The following BRDT variants were observed in gnomAD, a reference collection of about 807,000 sequenced individuals.
BRDT encodes bromodomain testis associated.
BRDT carries 77 observed loss-of-function variants against 113.9 expected under a neutral mutation model. The observed-to-expected ratio is 0.68, with a 90% CI of 0.56 to 0.82. The LOEUF (loss-of-function observed/expected upper bound fraction) is 0.82, where lower values mean the gene tolerates loss of function less well. BRDT is among the 40% of genes least tolerant of loss of function. BRDT has a pLI of 0.00. For missense variants in BRDT, 1,027 were observed against 1,105.4 expected, an observed-to-expected ratio of 0.93 and a Z score of 1.01; for synonymous variants, 358 against 366.5, an observed-to-expected ratio of 0.98 and a Z score of 0.26.
chr1:91,977,957 A>G (rs1684315177), intron 6 of BRDT, among the ~76,000 whole-genome samples: 1 of 152,146 alleles, frequency 6.6e-6, no homozygotes, highest in Non-Finnish European at 1.5e-5. Context: ...CTCCTTCCTC[A>G]TCTCTACTTG....
rs557631287 is a variant in BRDT, at chr1:91,969,231, C to T, written c.445+971C>T. On this transcript the variant is annotated intron_variant, in intron 4 of 18. Transcript: ENST00000399546. ...CTGGGATTACAGGCGTGAGCCACCG[C>T]GCCTGGCCCTAAAAATATTTATCTT... 2.2e-4 allele frequency among the ~76,000 whole-genome samples: 34 copies of T among 152,110 alleles called. No individual in the cohort carries two copies. The East Asian group carries it at 2.3e-3, about 10-fold the overall frequency.
chr1:91,979,034 A>C (rs1204115765), intron 7 of BRDT, among the ~76,000 whole-genome samples: 1 of 150,360 alleles, frequency 6.7e-6, no homozygotes. Context: ...AACAAAAAAA[A>C]CCCTATATTA....
chr1:91,994,255 G>A lies in BRDT; in HGVS notation c.2287+1G>A. On this transcript the variant is annotated splice_donor_variant, in intron 15 of 18. Transcript: ENST00000399546. LOFTEE classifies it high-confidence loss of function. ...CCTTTACAAATTCTGCCTCCCTCAG[G>A]TAAGAAATTAACAAGTAAACAACTG... The A allele has an allele frequency of 6.3e-7, 1 of 1,597,728 alleles. No individual in the cohort carries two copies.
chr1:91,959,680 A>C (rs976938521), intron 1 of BRDT, among the ~76,000 whole-genome samples: 4 of 151,898 alleles, frequency 2.6e-5, no homozygotes, highest in Admixed American at 2.0e-4. Flanking sequence ...GGGGGGTTTC[A>C]TCTTGTTGTC....
intron 3 of BRDT, among the ~76,000 whole-genome samples, chr1:91,967,883 A>G (rs1422898384): frequency 6.6e-6 from 1 of 152,170 alleles, no homozygotes. Context: ...CTTGGATTGT[A>G]ATTCTTTAGT....
intron 12 of BRDT, among the ~76,000 whole-genome samples, chr1:91,983,077 T>C (rs1037274481): frequency 2.6e-5 from 4 of 152,118 alleles, no homozygotes; most frequent in South Asian, 2.1e-4. Context: ...AAAAGTACAA[T>C]ATAATACAGA....
At chr1:91,992,347 G>A (rs1339571318) in intron 14 of BRDT, 33 bp downstream of exon 14, 2 of 1,391,290 alleles carry the variant, frequency 1.4e-6, no homozygotes, top group East Asian at 3.0e-5. Context: ...AAGAACAGGG[G>A]AAGAAATGGT....
At chr1:91,950,441 C>A (rs778059784) in intron 1 of BRDT, 2 of 152,960 alleles carry the variant, frequency 1.3e-5, no homozygotes, top group Non-Finnish European at 2.9e-5. Flanking sequence ...CAGAGTGAGA[C>A]TCCGTCTCCC....
chr1:91,960,340 C>T (rs909659110), intron 1 of BRDT, among the ~76,000 whole-genome samples: 1 of 152,056 alleles, frequency 6.6e-6, no homozygotes, highest in Non-Finnish European at 1.5e-5. Context: ...GATAGACATA[C>T]GATGGAATAT....
At chr1:91,984,100 G>T (rs1005140177) in intron 12 of BRDT, among the ~76,000 whole-genome samples, 2 of 152,152 alleles carry the variant, frequency 1.3e-5, no homozygotes, top group African/African-American at 4.8e-5. Context: ...AACAAACTGT[G>T]CTTTACTGGA....
chr1:92,006,844 G>A (rs1238694813), intron 18 of BRDT, among the ~76,000 whole-genome samples: 1 of 151,786 alleles, frequency 6.6e-6, no homozygotes, highest in African/African-American at 2.4e-5. Flanking sequence ...CTGGAGTGCA[G>A]TAGTGCAATC....
chr1:91,992,312 C>A lies in BRDT; in HGVS notation c.2113C>A (p.Gln705Lys), dbSNP rs1042624934. The A allele has an allele frequency of 6.7e-7, 1 of 1,495,052 alleles. No individual in the cohort carries two copies. Among genetic ancestry groups the A allele is most frequent in the Non-Finnish European group, 9.0e-7 (1 of 1,116,616 alleles). The allele number at this position is 1,495,052 out of a possible 1,614,324, so 92.6% of individuals were successfully genotyped here. ...GCCTGAAGGAAGAACAGGCGTCACA[C>A]AGGTAATGCTTAAAATGTGTTTTAA... ...IPPEGRTGVT[Q>K]IGYCVQDTTS... Residue 705 changes from glutamine to lysine, a missense_variant and splice_region_variant, in exon 14 of 19, where the codon CAG (glutamine) becomes AAG (lysine). By Grantham distance (53) the Gln-to-Lys change is moderately conservative. Transcript: ENST00000399546.
At chr1:91,952,859 A>T (rs1570404542) in intron 1 of BRDT, among the ~76,000 whole-genome samples, 1 of 151,446 alleles carries the variant, frequency 6.6e-6, no homozygotes, top group Non-Finnish European at 1.5e-5. Flanking sequence ...CTGGGAAAAG[A>T]GTTCTAGATA....
chr1:91,964,765 G>T lies in BRDT; in HGVS notation c.330+1G>T. 6.8e-7 allele frequency: 1 copy of T among 1,465,114 alleles called. No individual in the cohort carries two copies. The highest frequency in any genetic ancestry group is 9.2e-7 in the Non-Finnish European group (1 of 1,084,916). The allele number at this position is 1,465,114 out of a possible 1,614,324, so 90.8% of individuals were successfully genotyped here. On this transcript the variant is annotated splice_donor_variant, in intron 3 of 18. Transcript: ENST00000399546. LOFTEE classifies it high-confidence loss of function. Reference sequence around the variant, plus strand: ...CTCAAATTGTTATTTATATAACAAGGTATGTAAGCCTTATGTTATACTTGC... The same window carrying T: ...CTCAAATTGTTATTTATATAACAAGTTATGTAAGCCTTATGTTATACTTGC...
rs1316741322 is a variant in BRDT, at chr1:91,994,271, T to C, written c.2287+17T>C. 6.4e-7 allele frequency: 1 copy of C among 1,571,292 alleles called. No homozygotes were observed. ...CTCCCTCAGGTAAGAAATTAACAAG[T>C]AAACAACTGTTATTGAGAAATTGAC... On this transcript the variant is annotated intron_variant, in intron 15 of 18. Coordinates refer to ENST00000399546, the MANE Select transcript of BRDT (RefSeq NM_207189.4).
chr1:91,964,396 A>T (rs567848256), intron 2 of BRDT, among the ~76,000 whole-genome samples: 1 of 152,014 alleles, frequency 6.6e-6, no homozygotes, highest in Non-Finnish European at 1.5e-5. Flanking sequence ...GGGTTTTGCC[A>T]TGTTGGCCAG....
intron 1 of BRDT, among the ~76,000 whole-genome samples, chr1:91,956,529 A>G (rs1204460000): frequency 6.6e-6 from 1 of 152,214 alleles, no homozygotes; most frequent in Admixed American, 6.5e-5. Flanking sequence ...AAATGTGGCT[A>G]AGTTTTTAAT....
intron 12 of BRDT, among the ~76,000 whole-genome samples, chr1:91,984,864 C>G (rs942398160): frequency 6.6e-6 from 1 of 152,150 alleles, no homozygotes; most frequent in Admixed American, 6.5e-5. Context: ...GCCTTGAACT[C>G]CTGAGCTCAA....
intron 12 of BRDT, among the ~76,000 whole-genome samples, chr1:91,989,232 A>G (rs1053698822): frequency 1.3e-5 from 2 of 152,086 alleles, no homozygotes; most frequent in Non-Finnish European, 2.9e-5. Context: ...TTTATATTGT[A>G]GGATAATGTA....
Sources: allele counts gnomAD v4.1 joint callset (sites outside exome capture counted in the v4.1 genomes callset), GRCh38; gene constraint gnomAD v4.1.1; transcripts MANE v1.5; gene names NCBI Gene and HGNC (gene_info 2026-07-23, HGNC 2026-07-21).